STAG1: variants seen among roughly 807,000 people sequenced by gnomAD.
STAG1 encodes cohesin subunit SA-1.
A neutral mutation model predicts 170.9 loss-of-function variants in STAG1; 26 were observed. The observed-to-expected ratio is 0.15, with a 90% CI of 0.11 to 0.21. The LOEUF (loss-of-function observed/expected upper bound fraction) is 0.21, where lower values mean the gene tolerates loss of function less well. STAG1 is among the 10% of genes least tolerant of loss of function. STAG1 has a pLI of 1.00. For synonymous variants in STAG1, 514 were observed against 497.7 expected, an observed-to-expected ratio of 1.03 and a Z score of -0.44; for missense variants, 964 against 1,509.5, an observed-to-expected ratio of 0.64 and a Z score of 5.99.
At chr3:136,532,464 T>A (rs182041065) in intron 6 of STAG1, among the ~76,000 whole-genome samples, 95 of 152,304 alleles carry the variant, frequency 6.2e-4, no homozygotes, top group African/African-American at 2.2e-3. Flanking sequence ...TTATTTCTTC[T>A]ATCTTTGGTA....
At chr3:136,454,532 C>A (rs902457585) in intron 13 of STAG1, among the ~76,000 whole-genome samples, 1 of 151,130 alleles carries the variant, frequency 6.6e-6, no homozygotes, top group African/African-American at 2.4e-5. Context: ...GCGTGTGCCA[C>A]CATGCCAGGC....
chr3:136,446,805 T>A (rs1430237941), intron 14 of STAG1, among the ~76,000 whole-genome samples: 1 of 151,516 alleles, frequency 6.6e-6, no homozygotes, highest in Non-Finnish European at 1.5e-5. Flanking sequence ...TAATTTCTCT[T>A]TCATATTTTT....
chr3:136,341,452 C>T lies in STAG1; in HGVS notation c.3546G>A (p.Val1182=), dbSNP rs757663777. The T allele has an allele frequency of 1.6e-5, 25 of 1,608,666 alleles. No individual in the cohort carries two copies. In the Admixed American group the frequency reaches 4.2e-4, roughly 27 times the overall value. ...GMNYMKVRTG[V]RHAVRGLMEE... ...CATGTAACACTTACACAGCATGCCTCACTCCAGTTCTCACTTTCATGTAGT... is the reference window on the plus strand; with the variant it reads ...CATGTAACACTTACACAGCATGCCTTACTCCAGTTCTCACTTTCATGTAGT... Residue 1182 remains valine (V), a synonymous_variant, in exon 31 of 34, where the codon GTG becomes GTA. Transcript: ENST00000383202.
In STAG1 at chr3:136,521,426, C is replaced by A. The variant is rs113627848; in HGVS notation, c.472-9G>T. The stretch of plus-strand genomic sequence containing the variant: ...GGATAATCACCACTGTCCTAAAAAA[C>A]AGAAAAAGAACATATTAAGTATGTC... On this transcript the variant is annotated splice_polypyrimidine_tract_variant and intron_variant, in intron 6 of 33. Transcript: ENST00000383202. 1 of 1,611,326 alleles carries A rather than the reference C, an allele frequency of 6.2e-7. No homozygotes were observed. The highest frequency in any genetic ancestry group is 8.5e-7 in the Non-Finnish European group (1 of 1,178,230).
In STAG1 at chr3:136,357,766, G is replaced by C; in HGVS notation, c.3019C>G (p.Leu1007Val). The C allele has an allele frequency of 1.2e-6, 2 of 1,606,964 alleles. No homozygotes were observed. Among genetic ancestry groups the C allele is most frequent in the Non-Finnish European group, 1.7e-6 (2 of 1,177,898 alleles). Residue 1007 changes from leucine (L) to valine (V), a missense_variant, in exon 28 of 34, where the codon CTA becomes GTA. Transcript: ENST00000383202. ...PPPNLAFLEV[L>V]SEFSSKLLRQ... Reference sequence around the variant, plus strand: ...AGAAGTTTAGAAGAAAATTCACTTAGTACTTCAAGAAAAGCCAGATTAGGA... The same window carrying C: ...AGAAGTTTAGAAGAAAATTCACTTACTACTTCAAGAAAAGCCAGATTAGGA...
intron 5 of STAG1, among the ~76,000 whole-genome samples, chr3:136,551,194 AG>A (rs1936365751): frequency 8.8e-6 from 1 of 113,690 alleles, no homozygotes; most frequent in Non-Finnish European, 1.8e-5. Context: ...AGAGAGAGAG[AG>A]GTTGAGAGAG....
In STAG1 at chr3:136,485,620, C is replaced by T. The variant is rs138223561; in HGVS notation, c.903-8208G>A. Among the ~76,000 whole-genome samples, 109 of 152,266 alleles carry T rather than the reference C, an allele frequency of 7.2e-4. No homozygotes were observed. The East Asian group carries it at 0.018, about 24-fold the overall frequency. On this transcript the variant is annotated intron_variant, in intron 9 of 33. Transcript: ENST00000383202. The stretch of plus-strand genomic sequence containing the variant: ...AATGAATAACTGCATATATCCACTG[C>T]TCAGCTAAGAAATATAATACAGTTA...
At chr3:136,641,478 C>T (rs1940797827) in intron 1 of STAG1, among the ~76,000 whole-genome samples, 1 of 152,156 alleles carries the variant, frequency 6.6e-6, no homozygotes. Flanking sequence ...CAGGGGCCTC[C>T]TAATAGGATA....
chr3:136,530,266 G>C (rs908686443), intron 6 of STAG1, among the ~76,000 whole-genome samples: 2 of 152,106 alleles, frequency 1.3e-5, no homozygotes, highest in African/African-American at 2.4e-5. Context: ...TAGACTCCCA[G>C]ACTATAACAG....
chr3:136,522,038 A>C (rs1934705169), intron 6 of STAG1, among the ~76,000 whole-genome samples: 1 of 152,208 alleles, frequency 6.6e-6, no homozygotes, highest in Non-Finnish European at 1.5e-5. Context: ...ATCTTGTTTT[A>C]AAACACAAAA....
intron 9 of STAG1, among the ~76,000 whole-genome samples, chr3:136,481,713 A>T: frequency 1.1e-5 from 1 of 91,806 alleles, no homozygotes; most frequent in East Asian, 4.3e-4. Flanking sequence ...CTGGTCCTGG[A>T]CTCTTTTTGG....
In STAG1 at chr3:136,358,619, G is replaced by A. The variant is rs561031767; in HGVS notation, c.2936+529C>T. 3.9e-5 allele frequency among the ~76,000 whole-genome samples: 6 copies of A among 152,132 alleles called. No homozygotes were observed. The South Asian group carries it at 1.2e-3, about 32-fold the overall frequency. ...AGTCAGGTTCTCACTCTGTTTTCCAGGCTGGAGGGCAGTGGTACAATCATA... is the reference window on the plus strand; with the variant it reads ...AGTCAGGTTCTCACTCTGTTTTCCAAGCTGGAGGGCAGTGGTACAATCATA... On this transcript the variant is annotated intron_variant, in intron 27 of 33. Coordinates refer to ENST00000383202, the MANE Select transcript of STAG1 (RefSeq NM_005862.3).
chr3:136,703,066 C>CAAAAA (rs1157305676), intron 1 of STAG1, among the ~76,000 whole-genome samples: 17 of 75,710 alleles, frequency 2.2e-4, no homozygotes, highest in East Asian at 5.9e-4. Flanking sequence ...GACTCCATCT[C>CAAAAA]AAAAAAAAAA....
chr3:136,676,762 C>G (rs1437872877), intron 1 of STAG1, among the ~76,000 whole-genome samples: 1 of 151,926 alleles, frequency 6.6e-6, no homozygotes, highest in Non-Finnish European at 1.5e-5. Flanking sequence ...CATCCTTGTT[C>G]TATAATTTTT....
chr3:136,695,199 T>A (rs1942847920), intron 1 of STAG1, among the ~76,000 whole-genome samples: 1 of 152,144 alleles, frequency 6.6e-6, no homozygotes, highest in Admixed American at 6.6e-5. Flanking sequence ...GTATAATCAG[T>A]TTATCAAGAT....
At chr3:136,518,574 T>A (rs1315425723) in intron 7 of STAG1, among the ~76,000 whole-genome samples, 2 of 152,138 alleles carry the variant, frequency 1.3e-5, no homozygotes, top group Non-Finnish European at 2.9e-5. Context: ...CTGTGCTTTG[T>A]TGAAGGGTAG....
chr3:136,464,772 G>A (rs577410812), intron 13 of STAG1, 109 bp downstream of exon 13: 17 of 829,430 alleles, frequency 2.0e-5, no homozygotes, highest in Middle Eastern at 2.3e-4. Context: ...GTATCAGATG[G>A]ACATTTTCAG....
chr3:136,374,274 T>C (rs1046851640), intron 23 of STAG1, among the ~76,000 whole-genome samples: 1 of 151,744 alleles, frequency 6.6e-6, no homozygotes, highest in African/African-American at 2.4e-5. Context: ...CAGCACACTG[T>C]ATTTATTCAA....
At position 136,374,802 on chromosome 3, in the gene STAG1, T is replaced by C. The variant is rs1380750590; in HGVS notation, c.2370+2858A>G. On this transcript the variant is annotated intron_variant, in intron 23 of 33. Coordinates refer to ENST00000383202, the MANE Select transcript of STAG1 (RefSeq NM_005862.3). Reference sequence around the variant, plus strand: ...TAATTAATTTAGTATAGTCTAAGTGTATGGTACATATAGAGTCTACAGTGA... The same window carrying C: ...TAATTAATTTAGTATAGTCTAAGTGCATGGTACATATAGAGTCTACAGTGA... Among the ~76,000 whole-genome samples the C allele has an allele frequency of 2.0e-5, 3 of 152,196 alleles. No homozygotes were observed. In the East Asian group the frequency reaches 5.8e-4, roughly 29 times the overall value.
Sources: gnomAD v4.1 joint callset for allele counts (sites outside exome capture counted in the v4.1 genomes callset) on GRCh38, gnomAD v4.1.1 for gene constraint, MANE v1.5 for transcripts, NCBI Gene and HGNC (gene_info 2026-07-23, HGNC 2026-07-21) for gene names.